The following SLC35F4 variants were observed in gnomAD, a reference collection of about 807,000 sequenced individuals.
SLC35F4 encodes the protein solute carrier family 35 member F4.
SLC35F4 carries 24 observed loss-of-function variants against 44.2 expected under a neutral mutation model. That is an observed-to-expected ratio of 0.54 (90% CI 0.39 to 0.76). SLC35F4 has a LOEUF of 0.76. Ranked by LOEUF, SLC35F4 falls within the 30% of genes least tolerant of loss-of-function variation. SLC35F4 has a pLI of 0.00. For missense variants in SLC35F4, 562 were observed against 586.1 expected, an observed-to-expected ratio of 0.96 and a Z score of 0.42; for synonymous variants, 238 against 223.6, an observed-to-expected ratio of 1.06 and a Z score of -0.57.
chr14:57,799,075 C>T (rs1048296760), intron 1 of SLC35F4, among the ~76,000 whole-genome samples: 3 of 152,180 alleles, frequency 2.0e-5, no homozygotes, highest in African/African-American at 7.2e-5. Context: ...TGAAAGGCTG[C>T]GAATAAATTC....
At position 57,594,028 on chromosome 14, in the gene SLC35F4, G is replaced by T. The variant is rs1219879743; in HGVS notation, c.200C>A (p.Thr67Asn). The part of the protein sequence containing the change: ...ISRQLSPLSV[T>N]EDSSAPILEL... ...AAGAATAGGAGCAGAGGAATCTTCG[G>T]TGACAGACAGTGGGGACAGTTGTCT... Residue 67 changes from threonine to asparagine, a missense_variant, in exon 2 of 8, where the codon ACC becomes AAC. By Grantham distance (65) the Thr-to-Asn change is moderately conservative. Coordinates refer to ENST00000556826, the MANE Select transcript of SLC35F4 (RefSeq NM_001306087.2). The T allele has an allele frequency of 6.2e-7, 1 of 1,613,834 alleles. No homozygotes were observed. The highest frequency in any genetic ancestry group is 8.5e-7 in the Non-Finnish European group (1 of 1,179,882).
chr14:57,955,299 A>T (rs1417305473), intron 1 of SLC35F4, among the ~76,000 whole-genome samples: 2 of 152,198 alleles, frequency 1.3e-5, no homozygotes, highest in African/African-American at 2.4e-5. Flanking sequence ...ATCTCAAAAT[A>T]ATAACAGCTA....
intron 1 of SLC35F4, among the ~76,000 whole-genome samples, chr14:57,629,617 T>G (rs2072663391): frequency 6.6e-6 from 1 of 152,140 alleles, no homozygotes; most frequent in Non-Finnish European, 1.5e-5. Flanking sequence ...GATTAAAATG[T>G]GCCCATAAAT....
chr14:57,580,626 T>G, intron 4 of SLC35F4: 1 of 229,476 alleles, frequency 4.4e-6, no homozygotes, highest in Non-Finnish European at 9.0e-6. Context: ...ACTGAAGTTG[T>G]TGGTGGAAGT....
intron 1 of SLC35F4, among the ~76,000 whole-genome samples, chr14:57,917,436 G>GT (rs1291030948): frequency 2.0e-5 from 3 of 151,832 alleles, no homozygotes; most frequent in East Asian, 1.9e-4. Flanking sequence ...ATTAATCACA[G>GT]TTTTTTTTAA....
intron 1 of SLC35F4, among the ~76,000 whole-genome samples, chr14:57,978,960 G>A (rs1243556593): frequency 1.3e-5 from 2 of 152,194 alleles, no homozygotes; most frequent in African/African-American, 4.8e-5. Context: ...ACCATACAAT[G>A]GGAGCATGAA....
intron 1 of SLC35F4, among the ~76,000 whole-genome samples, chr14:57,865,028 G>T (rs1888002695): frequency 6.6e-6 from 1 of 151,650 alleles, no homozygotes; most frequent in Non-Finnish European, 1.5e-5. Context: ...TGCGGCGGGG[G>T]CGGGTGGCCC....
At chr14:57,861,351 C>T (rs560652649) in intron 1 of SLC35F4, among the ~76,000 whole-genome samples, 9 of 152,242 alleles carry the variant, frequency 5.9e-5, no homozygotes, top group African/African-American at 9.6e-5. Context: ...AGGCAATGTC[C>T]CTTCTCTTGT....
chr14:57,629,678 A>G (rs1311128817), intron 1 of SLC35F4, among the ~76,000 whole-genome samples: 1 of 152,184 alleles, frequency 6.6e-6, no homozygotes, highest in African/African-American at 2.4e-5. Context: ...ATCACTATAT[A>G]TGCATCAATT....
upstream of SLC35F4, among the ~76,000 whole-genome samples, chr14:57,983,126 A>G (rs1454269433): frequency 6.6e-6 from 1 of 152,238 alleles, no homozygotes; most frequent in Admixed American, 6.5e-5. Flanking sequence ...TTGTAAAAAG[A>G]AAAGTTTACT....
At chr14:57,831,908 T>C (rs1221462181) in intron 1 of SLC35F4, among the ~76,000 whole-genome samples, 2 of 152,218 alleles carry the variant, frequency 1.3e-5, no homozygotes, top group Non-Finnish European at 2.9e-5. Context: ...CTAAAATGCT[T>C]CCTAATCATA....
intron 1 of SLC35F4, among the ~76,000 whole-genome samples, chr14:57,864,804 C>G (rs1238959343): frequency 6.6e-6 from 1 of 152,158 alleles, no homozygotes; most frequent in Non-Finnish European, 1.5e-5. Context: ...GAAACTAAAC[C>G]GCAGCTACTC....
Position 57,865,988 on chromosome 14 carries a change from CAG to C in SLC35F4, c.-165_-164del. On this transcript the variant is annotated 5_prime_UTR_variant, in exon 1 of 8. Transcript: ENST00000556826. ...CCGGCGCAGCACCGGCTCCGCATCA[CAG>C]CGGCGGCGGCGGCGGCGGCGGCGGA... The C allele has an allele frequency of 2.5e-6, 1 of 400,966 alleles. No individual in the cohort carries two copies. The allele number at this position is 400,966 out of a possible 1,614,324, so 24.8% of individuals were successfully genotyped here.
chr14:57,637,134 G>C (rs1414296700), intron 1 of SLC35F4, among the ~76,000 whole-genome samples: 1 of 152,098 alleles, frequency 6.6e-6, no homozygotes, highest in Non-Finnish European at 1.5e-5. Context: ...CCAATTTATA[G>C]ATGAGGAAAC....
chr14:57,661,047 A>G (rs891730144), intron 1 of SLC35F4, among the ~76,000 whole-genome samples: 1 of 152,228 alleles, frequency 6.6e-6, no homozygotes, highest in Non-Finnish European at 1.5e-5. Flanking sequence ...AACTTAGACA[A>G]TAGTTTCACA....
chr14:57,669,061 G>C (rs746536719), intron 1 of SLC35F4, among the ~76,000 whole-genome samples: 5 of 151,988 alleles, frequency 3.3e-5, no homozygotes, highest in Non-Finnish European at 7.4e-5. Context: ...CTGTAAGTTG[G>C]ATTCCTAGGT....
chr14:57,670,968 G>A (rs575432445), intron 1 of SLC35F4, among the ~76,000 whole-genome samples: 1 of 140,224 alleles, frequency 7.1e-6, no homozygotes, highest in South Asian at 2.3e-4. Context: ...GCAGTGGCAT[G>A]GTCTCAGCTC....
In SLC35F4 at chr14:57,579,668, A is replaced by G. The variant is rs376640187; in HGVS notation, c.807+1546T>C. ...GAAAGACAGTGAAAAGAAAGATCTCAGAAGTATGAACTCATTTACTATATC... is the reference window on the plus strand; with the variant it reads ...GAAAGACAGTGAAAAGAAAGATCTCGGAAGTATGAACTCATTTACTATATC... On this transcript the variant is annotated intron_variant, in intron 4 of 7. Coordinates refer to ENST00000556826, the MANE Select transcript of SLC35F4 (RefSeq NM_001306087.2). 3.0e-3 allele frequency among the ~76,000 whole-genome samples: 450 copies of G among 152,324 alleles called. 2 individuals are homozygous for G. Among genetic ancestry groups the G allele is most frequent in the African/African-American group, 0.01 (420 of 41,576 alleles).
chr14:57,886,901 C>T (rs141045395), intron 1 of SLC35F4, among the ~76,000 whole-genome samples: 78 of 152,262 alleles, frequency 5.1e-4, no homozygotes, highest in Non-Finnish European at 7.8e-4. Context: ...GAAAGCATCC[C>T]TAACAAGGAA....
Sources: allele counts gnomAD v4.1 joint callset (sites outside exome capture counted in the v4.1 genomes callset), GRCh38; gene constraint gnomAD v4.1.1; transcripts MANE v1.5; gene names NCBI Gene and HGNC (gene_info 2026-07-23, HGNC 2026-07-21).